Variants in TMC1 observed in about 807,000 individuals in gnomAD.
TMC1 encodes transmembrane channel-like protein 1.
A neutral mutation model predicts 105.8 loss-of-function variants in TMC1; 84 were observed. The ratio of observed to expected loss-of-function variants is 0.79; its 90% CI spans 0.67 to 0.95. TMC1 has a LOEUF of 0.95. Ranked by LOEUF, TMC1 falls within the 40% of genes least tolerant of loss-of-function variation. The probability of loss-of-function intolerance (pLI) is 0.00; values close to 1 mark genes in which losing one functional copy is unlikely to be tolerated. For missense variants in TMC1, 817 were observed against 914.1 expected (o/e 0.89, Z 1.37); for synonymous variants, 315 against 311.5 (o/e 1.01, Z -0.12).
At chr9:72,701,167 G>A (rs2117870769) in intron 8 of TMC1, among the ~76,000 whole-genome samples, 1 of 151,296 alleles carries the variant, frequency 6.6e-6, no homozygotes, top group Middle Eastern at 3.4e-3. Context: ...TCATGTGACA[G>A]CTTACATTAA....
intron 5 of TMC1, among the ~76,000 whole-genome samples, chr9:72,674,415 T>A (rs1026825162): frequency 6.6e-6 from 1 of 152,180 alleles, no homozygotes; most frequent in Non-Finnish European, 1.5e-5. Context: ...ATCAAGACAG[T>A]GTGAGACTGA....
At chr9:72,802,189 T>C (rs1387181656) in intron 17 of TMC1, among the ~76,000 whole-genome samples, 1 of 151,988 alleles carries the variant, frequency 6.6e-6, no homozygotes, top group Admixed American at 6.6e-5. Flanking sequence ...GTCCAGGAGT[T>C]CCAGGTCAGC....
chr9:72,596,384 C>T (rs1481662540), intron 2 of TMC1, among the ~76,000 whole-genome samples: 1 of 152,028 alleles, frequency 6.6e-6, no homozygotes, highest in Non-Finnish European at 1.5e-5. Context: ...CTTATTTCTA[C>T]TGTTAAATCC....
intron 2 of TMC1, among the ~76,000 whole-genome samples, chr9:72,609,325 G>A (rs1824983950): frequency 6.6e-6 from 1 of 152,014 alleles, no homozygotes; most frequent in Non-Finnish European, 1.5e-5. Context: ...GATCACTTGA[G>A]GTCAGGAGTT....
At chr9:72,700,668 G>T in intron 8 of TMC1, 25 bp downstream of exon 8, 1 of 1,524,306 alleles carries the variant, frequency 6.6e-7, no homozygotes, top group Non-Finnish European at 8.9e-7. Context: ...TTTATAAGTA[G>T]AAACACTTTC....
chr9:72,582,990 G>A (rs372184523), intron 2 of TMC1, among the ~76,000 whole-genome samples: 2 of 152,302 alleles, frequency 1.3e-5, no homozygotes, highest in African/African-American at 4.8e-5. Context: ...GGAAGCTGAG[G>A]TAGGCGGATC....
chr9:72,761,739 A>G (rs533284247), intron 12 of TMC1, among the ~76,000 whole-genome samples: 1 of 152,346 alleles, frequency 6.6e-6, no homozygotes, highest in Admixed American at 6.5e-5. Flanking sequence ...TAAGTTCTTT[A>G]ATCAACATCA....
At chr9:72,606,747 C>T (rs1824920548) in intron 2 of TMC1, among the ~76,000 whole-genome samples, 1 of 151,996 alleles carries the variant, frequency 6.6e-6, no homozygotes, top group African/African-American at 2.4e-5. Context: ...ATAAAAAGCA[C>T]CAGGAGTTAG....
At chr9:72,730,517 C>T (rs1256490475) in intron 8 of TMC1, among the ~76,000 whole-genome samples, 2 of 152,126 alleles carry the variant, frequency 1.3e-5, no homozygotes, top group Non-Finnish European at 1.5e-5. Flanking sequence ...CATGGACTTA[C>T]AAAAATATTG....
chr9:72,782,743 A>C (rs2118158978), intron 13 of TMC1, among the ~76,000 whole-genome samples: 1 of 152,318 alleles, frequency 6.6e-6, no homozygotes, highest in East Asian at 1.9e-4. Context: ...GGGAGGTGAA[A>C]GATCTCTACA....
chr9:72,534,889 A>G (rs1313843667), intron 1 of TMC1, among the ~76,000 whole-genome samples: 2 of 152,242 alleles, frequency 1.3e-5, no homozygotes, highest in East Asian at 3.8e-4. Flanking sequence ...AGAGTATTCA[A>G]AGATAAAGGC....
intron 5 of TMC1, among the ~76,000 whole-genome samples, chr9:72,661,109 G>A (rs1030577108): frequency 1.3e-5 from 2 of 151,444 alleles, no homozygotes; most frequent in South Asian, 4.2e-4. Context: ...CCAAGATCAC[G>A]CCACCGCACT....
intron 3 of TMC1, among the ~76,000 whole-genome samples, chr9:72,625,687 CA>C (rs554543865): frequency 1.9e-3 from 131 of 70,684 alleles, no homozygotes; most frequent in Admixed American, 2.3e-3. Context: ...GACTCTGTCT[CA>C]AAAAAAAAAA....
intron 10 of TMC1, among the ~76,000 whole-genome samples, chr9:72,749,404 C>G (rs570303820): frequency 6.6e-6 from 1 of 152,282 alleles, no homozygotes; most frequent in South Asian, 2.1e-4. Flanking sequence ...AACTGTAAGT[C>G]CACTGCCTTC....
intron 1 of TMC1, among the ~76,000 whole-genome samples, chr9:72,555,967 C>G (rs1823930238): frequency 2.0e-5 from 1 of 49,238 alleles, no homozygotes; most frequent in African/African-American, 8.5e-5. Flanking sequence ...CAATCTATGA[C>G]TAAGGCAAAA....
At position 72,528,292 on chromosome 9, in the gene TMC1, G is replaced by A. The variant is rs538729470; in HGVS notation, c.-428+6379G>A. On this transcript the variant is annotated intron_variant, in intron 1 of 23. Transcript: ENST00000297784. ...CTTGAACTTCCTATCCTCCAGAACT[G>A]TAAACAAATAAATTTCTCTTGCTTA... 6.9e-4 allele frequency among the ~76,000 whole-genome samples: 104 copies of A among 151,822 alleles called. 1 individual carries two copies. The Middle Eastern group carries it at 0.014, about 20-fold the overall frequency.
At chr9:72,632,372 A>T (rs372692915) in intron 4 of TMC1, among the ~76,000 whole-genome samples, 4 of 152,214 alleles carry the variant, frequency 2.6e-5, no homozygotes, top group African/African-American at 9.6e-5. Flanking sequence ...ACATTTCAAC[A>T]TAAGACTTGG....
At chr9:72,544,478 CTTTTTTTTT>C (rs71493656) in intron 1 of TMC1, among the ~76,000 whole-genome samples, 2 of 125,240 alleles carry the variant, frequency 1.6e-5, no homozygotes, top group African/African-American at 6.3e-5. Flanking sequence ...GATTTTTTAA[CTTTTTTTTT>C]TTTTTTTTTG....
At chr9:72,578,271 TG>T (rs1564423289) in intron 2 of TMC1, 6 of 101,314 alleles carry the variant, frequency 5.9e-5, no homozygotes, top group African/African-American at 2.5e-4. Context: ...CACGCGTGTG[TG>T]TGTGTGTGTG....
Sources: gnomAD v4.1 joint callset for allele counts (sites outside exome capture counted in the v4.1 genomes callset) on GRCh38, gnomAD v4.1.1 for gene constraint, MANE v1.5 for transcripts, NCBI Gene and HGNC (gene_info 2026-07-23, HGNC 2026-07-21) for gene names.